Variants in PAM observed in about 807,000 individuals in gnomAD.
PAM encodes the protein peptidylglycine alpha-amidating monooxygenase, also known as peptidyl-glycine alpha-amidating monooxygenase.
PAM carries 72 observed loss-of-function variants against 122.1 expected under a neutral mutation model. The ratio of observed to expected loss-of-function variants is 0.59; its 90% CI spans 0.49 to 0.72. PAM has a LOEUF of 0.72. Ranked by LOEUF, PAM falls within the 30% of genes least tolerant of loss-of-function variation. PAM has a pLI of 0.00. For synonymous variants in PAM, 389 were observed against 404.4 expected, an observed-to-expected ratio of 0.96 and a Z score of 0.46; for missense variants, 1,106 against 1,183.7, an observed-to-expected ratio of 0.93 and a Z score of 0.96.
chr5:102,808,722 A>C (rs1766954214), intron 1 of PAM, among the ~76,000 whole-genome samples: 1 of 152,236 alleles, frequency 6.6e-6, no homozygotes, highest in Non-Finnish European at 1.5e-5. Flanking sequence ...TATAGAAATT[A>C]AAATATGTAG....
At chr5:102,920,792 T>G (rs964433743) in intron 5 of PAM, among the ~76,000 whole-genome samples, 1 of 151,732 alleles carries the variant, frequency 6.6e-6, no homozygotes, top group Admixed American at 6.6e-5. Flanking sequence ...CTTGAGGGCA[T>G]GACAATTTTT....
intron 1 of PAM, among the ~76,000 whole-genome samples, chr5:102,780,957 A>G (rs1292312415): frequency 2.0e-5 from 3 of 151,122 alleles, no homozygotes; most frequent in African/African-American, 7.3e-5. Context: ...TCTGGCTTCT[A>G]CCCCCTGGAT....
At chr5:102,885,554 G>A (rs1292595537) in intron 3 of PAM, among the ~76,000 whole-genome samples, 1 of 151,864 alleles carries the variant, frequency 6.6e-6, no homozygotes, top group African/African-American at 2.4e-5. Context: ...GACCTTAGTG[G>A]GGTCAAACAA....
At chr5:102,908,126 A>G (rs1039939556) in intron 4 of PAM, among the ~76,000 whole-genome samples, 7 of 152,066 alleles carry the variant, frequency 4.6e-5, no homozygotes, top group South Asian at 2.1e-4. Flanking sequence ...TAAGTCTTTA[A>G]TCCATCTTGA....
chr5:102,769,575 A>G (rs1258626596), intron 1 of PAM, among the ~76,000 whole-genome samples: 3 of 152,118 alleles, frequency 2.0e-5, no homozygotes, highest in Non-Finnish European at 4.4e-5. Flanking sequence ...CCATATGAGT[A>G]TCCAGTTTTC....
At chr5:102,967,508 A>G (rs1764460101) in intron 14 of PAM, among the ~76,000 whole-genome samples, 1 of 152,224 alleles carries the variant, frequency 6.6e-6, no homozygotes, top group Admixed American at 6.5e-5. Flanking sequence ...CTTATTGAGT[A>G]TCTGCTAGGA....
rs148719927 is a variant in PAM at position 103,015,058 on chromosome 5, A to G, written c.2332-2276A>G. ...CTTCACAGTGATGATTAAAATGACA[A>G]TACTTGAGCTGAAAAGTTCACTTAA... On this transcript the variant is annotated intron_variant, in intron 21 of 25. Transcript: ENST00000438793. 9.8e-3 allele frequency among the ~76,000 whole-genome samples: 1,493 copies of G among 152,338 alleles called. 14 individuals carry two copies. The highest frequency in any genetic ancestry group is 0.013 in the Non-Finnish European group (851 of 68,026).
chr5:102,770,449 A>G lies in PAM; in HGVS notation c.-374+15101A>G, dbSNP rs147459905. Among the ~76,000 whole-genome samples the G allele has an allele frequency of 2.6e-3, 389 of 152,206 alleles. 2 individuals carry two copies. The highest frequency in any genetic ancestry group is 0.01 in the Middle Eastern group (3 of 294). ...TGGGCCTCCTTGTCATAAAGATCTT[A>G]GAGGAAAGGCTTTCAGTTTTTTCCC... is the stretch of plus-strand genomic sequence containing the variant. On this transcript the variant is annotated intron_variant, in intron 1 of 25. Transcript: ENST00000438793.
Position 102,825,556 on chromosome 5 carries a change from G to A in PAM, c.-373-40267G>A, listed in dbSNP as rs575549087. ...CATGAGAAACGGGCCTGGAGTTCAA[G>A]CTCCAGGAGTATGGGTTGTGTGAAC... On this transcript the variant is annotated intron_variant, in intron 1 of 25. Transcript: ENST00000438793. Among the ~76,000 whole-genome samples, 79 of 152,294 alleles carry A rather than the reference G, an allele frequency of 5.2e-4. 1 individual carries two copies. The highest frequency in any genetic ancestry group is 3.2e-3 in the Admixed American group (49 of 15,302).
chr5:102,900,261 G>GC (rs1797391170), intron 3 of PAM, among the ~76,000 whole-genome samples: 1 of 119,512 alleles, frequency 8.4e-6, no homozygotes, highest in African/African-American at 3.1e-5. Flanking sequence ...GTGTGGGGGG[G>GC]GGGCGGGGGG....
chr5:102,756,939 T>C (rs418747), intron 1 of PAM, among the ~76,000 whole-genome samples: 54,780 of 151,886 alleles, frequency 0.36, 10,340 homozygotes, highest in South Asian at 0.41. Flanking sequence ...TTAAAGACTA[T>C]GTAGTTTTAT....
At chr5:102,849,756 A>G (rs565039968) in intron 1 of PAM, among the ~76,000 whole-genome samples, 27 of 152,242 alleles carry the variant, frequency 1.8e-4, no homozygotes, top group African/African-American at 6.0e-4. Context: ...CCAAAGTAAG[A>G]AGTCAATAGA....
rs149224766 is a variant in PAM at position 102,948,042 on chromosome 5, G to A, written c.576-336G>A. Among the ~76,000 whole-genome samples the A allele has an allele frequency of 1.1e-4, 17 of 152,026 alleles. No individual in the cohort carries two copies. In the East Asian group the frequency reaches 2.3e-3, roughly 21 times the overall value. ...TCAATGGACTGGATGAAGCCCACCC[G>A]CACTATGGAAAATAATCTGCTTTAC... On this transcript the variant is annotated intron_variant, in intron 8 of 25. Transcript: ENST00000438793.
In PAM at chr5:102,961,203, G is replaced by A. The variant is rs940025012; in HGVS notation, c.1136G>A (p.Arg379Gln). Reference sequence around the variant, plus strand: ...ATTCCTTTACTACAGCAGCCAAAACGAGAAGAAGAAGAAGTGTTAGACCAG... The same window carrying A: ...ATTCCTTTACTACAGCAGCCAAAACAAGAAGAAGAAGAAGTGTTAGACCAG... ...DKIPLLQQPKREEEEVLDQGD... is the reference protein window; with the variant it reads ...DKIPLLQQPKQEEEEVLDQGD... The change falls in exon 14 of 26, where the codon CGA (arginine) becomes CAA (glutamine). Residue 379 changes from arginine (R) to glutamine (Q), a missense_variant. This residue lies in a region of PAM where 670 missense variants were observed against 690.3 expected (regional missense o/e 0.97). Transcript: ENST00000438793. The A allele has an allele frequency of 1.1e-5, 18 of 1,577,696 alleles. No homozygotes were observed. The highest frequency in any genetic ancestry group is 2.7e-5 in the African/African-American group (2 of 74,000).
intron 1 of PAM, among the ~76,000 whole-genome samples, chr5:102,774,927 CTAT>C (rs1255014191): frequency 6.6e-6 from 1 of 151,842 alleles, no homozygotes; most frequent in Non-Finnish European, 1.5e-5. Flanking sequence ...TCATTTCCCT[CTAT>C]TGTTTTTATT....
chr5:102,948,524 A>G lies in PAM; in HGVS notation c.643+79A>G. 3 of 699,916 alleles carry G rather than the reference A, an allele frequency of 4.3e-6. No homozygotes were observed. In the South Asian group the frequency reaches 5.5e-5, roughly 13 times the overall value. The allele number at this position is 699,916 out of a possible 1,614,324, so 43.4% of individuals were successfully genotyped here. A position where few individuals can be genotyped will look rare whatever the true frequency, so the allele number is the denominator to read the frequency against. Reference sequence around the variant, plus strand: ...ATGGATTTATACTGTATTTTTTATAAACTTTAAAAATAATCAATATTTTTA... The same window carrying G: ...ATGGATTTATACTGTATTTTTTATAGACTTTAAAAATAATCAATATTTTTA... On this transcript the variant is annotated intron_variant, in intron 9 of 25. Transcript: ENST00000438793.
chr5:102,900,252 T>TG (rs1188772644), intron 3 of PAM, among the ~76,000 whole-genome samples: 12 of 6,294 alleles, frequency 1.9e-3, no homozygotes, highest in Admixed American at 0.011. Flanking sequence ...AATGTGTGTG[T>TG]GTGGGGGGGG....
At chr5:103,000,466 T>A (rs1582754920) in intron 16 of PAM, among the ~76,000 whole-genome samples, 1 of 152,194 alleles carries the variant, frequency 6.6e-6, no homozygotes, top group African/African-American at 2.4e-5. Context: ...TTGTTCTAAC[T>A]TCTGCCTATT....
At chr5:102,771,134 A>G (rs1245815118) in intron 1 of PAM, among the ~76,000 whole-genome samples, 2 of 152,166 alleles carry the variant, frequency 1.3e-5, no homozygotes, top group Non-Finnish European at 2.9e-5. Context: ...TTTGGGAGTT[A>G]TAAACTCCTA....
Sources: allele counts gnomAD v4.1 joint callset (sites outside exome capture counted in the v4.1 genomes callset), GRCh38; gene constraint gnomAD v4.1.1; regional missense constraint gnomAD v4.1.1; transcripts MANE v1.5; gene names NCBI Gene and HGNC (gene_info 2026-07-23, HGNC 2026-07-21).